BBS9: variants seen among roughly 807,000 people sequenced by gnomAD.
BBS9 encodes protein PTHB1.
In BBS9, 89 loss-of-function variants were observed where a neutral mutation model predicts 117.7. The observed-to-expected ratio is 0.76, with a 90% confidence interval of 0.64 to 0.90. The LOEUF (loss-of-function observed/expected upper bound fraction) is 0.90, where lower values mean the gene tolerates loss of function less well. Ranked by LOEUF, BBS9 falls within the 40% of genes least tolerant of loss-of-function variation. The pLI is 0.00. For synonymous variants in BBS9, 379 were observed against 370.9 expected (o/e 1.02, Z -0.25); for missense variants, 982 against 1,042.2 (o/e 0.94, Z 0.80).
chr7:33,290,344 C>T (rs1352504654), intron 9 of BBS9, among the ~76,000 whole-genome samples: 3 of 152,088 alleles, frequency 2.0e-5, no homozygotes, highest in South Asian at 2.1e-4. Flanking sequence ...AGACAATATC[C>T]AGAGTACTTA....
intron 1 of BBS9, among the ~76,000 whole-genome samples, chr7:33,136,051 GTAGC>G (rs758842591): frequency 3.3e-5 from 5 of 151,932 alleles, no homozygotes; most frequent in Non-Finnish European, 5.9e-5. Flanking sequence ...AGCCTCCTGT[GTAGC>G]TAGTATTACA....
intron 2 of BBS9, among the ~76,000 whole-genome samples, chr7:33,151,431 C>T (rs1793285382): frequency 6.6e-6 from 1 of 152,126 alleles, no homozygotes; most frequent in Non-Finnish European, 1.5e-5. Context: ...TTTCCCAATG[C>T]AGGCAGAGTT....
chr7:33,628,353 A>T (rs1016335937), intron 21 of BBS9, among the ~76,000 whole-genome samples: 2 of 152,236 alleles, frequency 1.3e-5, no homozygotes, highest in African/African-American at 4.8e-5. Context: ...AACACATCAT[A>T]ACCAGGTGGG....
downstream of BBS9, among the ~76,000 whole-genome samples, chr7:33,607,607 C>A (rs1252804028): frequency 2.0e-5 from 3 of 152,002 alleles, no homozygotes; most frequent in African/African-American, 7.2e-5. Flanking sequence ...TTTAACAATT[C>A]TGCATTTTCT....
intron 21 of BBS9, among the ~76,000 whole-genome samples, chr7:33,579,292 C>G (rs1217782602): frequency 2.0e-5 from 3 of 152,130 alleles, no homozygotes; most frequent in African/African-American, 7.2e-5. Flanking sequence ...GTACAGAAGA[C>G]CCTATTCTAT....
At chr7:33,607,466 C>T (rs542204405), downstream of BBS9, among the ~76,000 whole-genome samples, 382 of 152,094 alleles carry the variant, frequency 2.5e-3, 1 homozygote, top group African/African-American at 8.9e-3. Flanking sequence ...TCTAATACAA[C>T]ATTAGTTACA....
chr7:33,389,104 C>T (rs1299181572), intron 19 of BBS9, among the ~76,000 whole-genome samples: 2 of 151,896 alleles, frequency 1.3e-5, no homozygotes, highest in Admixed American at 6.6e-5. Flanking sequence ...TAATAAAATC[C>T]ACAGGTCTTA....
intron 9 of BBS9, among the ~76,000 whole-genome samples, chr7:33,330,996 T>G (rs1813918966): frequency 6.6e-6 from 1 of 152,152 alleles, no homozygotes; most frequent in Non-Finnish European, 1.5e-5. Flanking sequence ...TTGTTAAAAT[T>G]TTCATTAGAT....
chr7:33,256,716 A>T (rs1246652142), intron 5 of BBS9, among the ~76,000 whole-genome samples: 2 of 152,160 alleles, frequency 1.3e-5, no homozygotes, highest in South Asian at 4.1e-4. Flanking sequence ...TGAGCTAGAG[A>T]TGACAAGGTA....
chr7:33,518,495 C>T (rs1050873999), intron 20 of BBS9, among the ~76,000 whole-genome samples: 8 of 151,662 alleles, frequency 5.3e-5, no homozygotes, highest in South Asian at 2.1e-4. Context: ...GTGATCCGCC[C>T]GCCTCGGCCT....
chr7:33,369,498 G>A (rs1822454233), intron 17 of BBS9, among the ~76,000 whole-genome samples: 1 of 152,142 alleles, frequency 6.6e-6, no homozygotes, highest in Non-Finnish European at 1.5e-5. Flanking sequence ...GCAATTCCCT[G>A]ACTTAGCATA....
At chr7:33,289,140 CT>C (rs1372137797) in intron 9 of BBS9, among the ~76,000 whole-genome samples, 1 of 152,148 alleles carries the variant, frequency 6.6e-6, no homozygotes, top group Non-Finnish European at 1.5e-5. Context: ...AATATTCTAT[CT>C]AACAAGACGT....
chr7:33,289,216 G>T lies in BBS9; in HGVS notation c.1016+15260G>T, dbSNP rs1368231518. 2.0e-5 allele frequency among the ~76,000 whole-genome samples: 3 copies of T among 152,286 alleles called. No homozygotes were observed. In the East Asian group the frequency reaches 5.8e-4, roughly 29 times the overall value. ...CAGAAAGTGGAAGCCTAAAACAAAA[G>T]TTATTACTTTTGGAGTGTGGAACTG... On this transcript the variant is annotated intron_variant, in intron 9 of 22. Transcript: ENST00000242067.
Position 33,303,677 on chromosome 7 carries a change from T to G in BBS9, c.1016+29721T>G, listed in dbSNP as rs1029245764. Among the ~76,000 whole-genome samples the G allele has an allele frequency of 5.9e-5, 9 of 151,668 alleles. No individual in the cohort carries two copies. The East Asian group carries it at 1.8e-3, about 30-fold the overall frequency. ...GCATGTGCCGCCACGCCTGACTGGT[T>G]TTTGTATTTTTGGTGGAGACGGGGT... On this transcript the variant is annotated intron_variant, in intron 9 of 22. Transcript: ENST00000242067.
chr7:33,170,696 A>G (rs1226069546), intron 4 of BBS9, among the ~76,000 whole-genome samples: 1 of 149,144 alleles, frequency 6.7e-6, no homozygotes, highest in East Asian at 2.0e-4. Context: ...TTGTATATCT[A>G]GAAAACCCCA....
chr7:33,484,873 G>A (rs1209061049), intron 19 of BBS9, among the ~76,000 whole-genome samples: 1 of 152,120 alleles, frequency 6.6e-6, no homozygotes, highest in Non-Finnish European at 1.5e-5. Flanking sequence ...ATTCACAACA[G>A]CAAAGACATG....
intron 21 of BBS9, among the ~76,000 whole-genome samples, chr7:33,574,723 A>G (rs1043302999): frequency 2.0e-5 from 3 of 147,476 alleles, no homozygotes; most frequent in Non-Finnish European, 4.5e-5. Flanking sequence ...ACACACACAC[A>G]CACGCGCACA....
At chr7:33,335,529 CA>C (rs1490121303) in intron 9 of BBS9, among the ~76,000 whole-genome samples, 6 of 152,054 alleles carry the variant, frequency 3.9e-5, no homozygotes, top group Non-Finnish European at 7.4e-5. Context: ...GTTTTTATGG[CA>C]AACTTAGGGA....
At chr7:33,557,649 G>T (rs184146705) in intron 21 of BBS9, among the ~76,000 whole-genome samples, 2 of 152,262 alleles carry the variant, frequency 1.3e-5, no homozygotes, top group East Asian at 3.9e-4. Context: ...TACTCAACAG[G>T]CAGGTTTAGC....
Sources: gnomAD v4.1 joint callset for allele counts (sites outside exome capture counted in the v4.1 genomes callset) on GRCh38, gnomAD v4.1.1 for gene constraint, MANE v1.5 for transcripts, NCBI Gene and HGNC (gene_info 2026-07-23, HGNC 2026-07-21) for gene names.